MLLT3: variants seen among roughly 807,000 people sequenced by gnomAD.
The protein encoded by MLLT3 is protein AF-9.
MLLT3 carries 4 observed loss-of-function variants against 53.2 expected under a neutral mutation model. The ratio of observed to expected loss-of-function variants is 0.08; its 90% CI spans 0.04 to 0.17. The LOEUF (loss-of-function observed/expected upper bound fraction) is 0.17, where lower values mean the gene tolerates loss of function less well. Among genes scored for constraint, MLLT3 ranks in the 10% least tolerant of loss-of-function variants. The probability of loss-of-function intolerance (pLI) is 1.00; values close to 1 mark genes in which losing one functional copy is unlikely to be tolerated. For synonymous variants in MLLT3, 283 were observed against 230.6 expected (o/e 1.23, Z -2.06); for missense variants, 569 against 684.0 (o/e 0.83, Z 1.87).
chr9:20,484,372 T>C (rs1047326603), intron 2 of MLLT3, among the ~76,000 whole-genome samples: 29 of 152,292 alleles, frequency 1.9e-4, no homozygotes, highest in African/African-American at 6.0e-4. Context: ...GACAGAACAA[T>C]TGTTCTACCG....
rs1821026287 is a variant in MLLT3 at position 20,621,937 on chromosome 9, G to A, written c.12+308C>T. ...TGTGTGTGTGAGTGCGCGCGTGTGA[G>A]CGAGAGGGAGTGTGTGAGTGCGCTT... On this transcript the variant is annotated intron_variant, in intron 1 of 10. Transcript: ENST00000380338. The surrounding 1 kb of genome is among the most constrained non-coding windows in gnomAD (Gnocchi z 7.0). 4.3e-6 allele frequency: 6 copies of A among 1,388,036 alleles called. No homozygotes were observed. Among genetic ancestry groups the A allele is most frequent in the Non-Finnish European group, 5.6e-6 (6 of 1,076,892 alleles). The allele number at this position is 1,388,036 out of a possible 1,614,324, so 86.0% of individuals were successfully genotyped here. A position where few individuals can be genotyped will look rare whatever the true frequency, so the allele number is the denominator to read the frequency against.
chr9:20,565,980 ATATTTATTTATATATT>A (rs1819360355), intron 2 of MLLT3, among the ~76,000 whole-genome samples: 3 of 104,282 alleles, frequency 2.9e-5, no homozygotes, highest in East Asian at 2.4e-4. Context: ...ATATATATAT[ATATTTATTTATATATT>A]TATTTATATA....
chr9:20,393,641 CTTCTT>C (rs945376369), intron 5 of MLLT3, among the ~76,000 whole-genome samples: 3 of 152,320 alleles, frequency 2.0e-5, no homozygotes, highest in African/African-American at 7.2e-5. Flanking sequence ...CAATGCCTCT[CTTCTT>C]TACTCCAACA....
intron 2 of MLLT3, among the ~76,000 whole-genome samples, chr9:20,507,499 C>T (rs1825411198): frequency 6.6e-6 from 1 of 152,082 alleles, no homozygotes; most frequent in South Asian, 2.1e-4. Context: ...TTTCTTAAAG[C>T]TTGCCTTTAA....
At chr9:20,528,196 C>T (rs913988504) in intron 2 of MLLT3, among the ~76,000 whole-genome samples, 1 of 152,208 alleles carries the variant, frequency 6.6e-6, no homozygotes, top group Admixed American at 6.5e-5. Flanking sequence ...ATCTCAATCA[C>T]ATTAAGATTA....
intron 2 of MLLT3, among the ~76,000 whole-genome samples, chr9:20,614,212 T>A (rs541988160): frequency 6.6e-6 from 1 of 152,106 alleles, no homozygotes; most frequent in Non-Finnish European, 1.5e-5. Context: ...CTGGCCAACA[T>A]GGTGAAACCC....
At chr9:20,600,521 A>T (rs1820395428) in intron 2 of MLLT3, among the ~76,000 whole-genome samples, 1 of 152,152 alleles carries the variant, frequency 6.6e-6, no homozygotes, top group African/African-American at 2.4e-5. Context: ...GAGTGTTCAC[A>T]CTCCTCAGGA....
At chr9:20,399,319 G>A (rs145670958) in intron 5 of MLLT3, among the ~76,000 whole-genome samples, 328 of 152,128 alleles carry the variant, frequency 2.2e-3, no homozygotes, top group African/African-American at 7.0e-3. Flanking sequence ...AAATACATAC[G>A]CATATATTAA....
intron 5 of MLLT3, among the ~76,000 whole-genome samples, chr9:20,393,323 T>C (rs940931221): frequency 6.6e-6 from 1 of 152,156 alleles, no homozygotes; most frequent in African/African-American, 2.4e-5. Flanking sequence ...ATTCCAGAGT[T>C]TACTGGGAAA....
chr9:20,407,048 C>T (rs562032955), intron 5 of MLLT3, among the ~76,000 whole-genome samples: 2 of 152,262 alleles, frequency 1.3e-5, no homozygotes, highest in South Asian at 4.1e-4. Context: ...GAAAACAACC[C>T]TCTGTCTACT....
At chr9:20,455,209 C>T (rs995392069) in intron 3 of MLLT3, among the ~76,000 whole-genome samples, 1 of 152,184 alleles carries the variant, frequency 6.6e-6, no homozygotes, top group African/African-American at 2.4e-5. Flanking sequence ...AGTGGTATCA[C>T]CACTAAGAAA....
intron 2 of MLLT3, among the ~76,000 whole-genome samples, chr9:20,528,547 C>T (rs762670252): frequency 1.9e-4 from 29 of 152,230 alleles, no homozygotes; most frequent in Admixed American, 3.9e-4. Flanking sequence ...CTGCGCTCCC[C>T]ACAAAGGCTC....
intron 2 of MLLT3, among the ~76,000 whole-genome samples, chr9:20,495,730 G>C (rs1471923302): frequency 6.6e-6 from 1 of 152,094 alleles, no homozygotes; most frequent in Non-Finnish European, 1.5e-5. Flanking sequence ...GGGTCTTGTG[G>C]ATGAAATCTA....
intron 2 of MLLT3, among the ~76,000 whole-genome samples, chr9:20,533,835 C>CTTTT (rs1246816622): frequency 6.6e-6 from 1 of 152,120 alleles, no homozygotes; most frequent in Non-Finnish European, 1.5e-5. Flanking sequence ...CAGGTAGAAC[C>CTTTT]TAAAAACGCT....
At position 20,344,935 on chromosome 9, in the gene MLLT3, C is replaced by A. The variant is rs1177763711; in HGVS notation, c.*1508G>T. Reference sequence around the variant, plus strand: ...CTGATCCAGTGACGAACCTTTGGATCCAGAAGTATTTCTTCATTTCTCTTC... The same window carrying A: ...CTGATCCAGTGACGAACCTTTGGATACAGAAGTATTTCTTCATTTCTCTTC... On this transcript the variant is annotated 3_prime_UTR_variant, in exon 11 of 11. Transcript: ENST00000380338. 1.4e-5 allele frequency: 3 copies of A among 215,018 alleles called. No individual in the cohort carries two copies. Among genetic ancestry groups the A allele is most frequent in the Admixed American group, 5.8e-5 (1 of 17,108 alleles). The allele number at this position is 215,018 out of a possible 1,614,324, so 13.3% of individuals were successfully genotyped here.
At chr9:20,527,326 T>A (rs1038042204) in intron 2 of MLLT3, among the ~76,000 whole-genome samples, 2 of 152,196 alleles carry the variant, frequency 1.3e-5, no homozygotes, top group Non-Finnish European at 1.5e-5. Flanking sequence ...GCCTTATTCC[T>A]GGATTAACAT....
chr9:20,422,117 A>G lies in MLLT3; in HGVS notation c.421-7692T>C, dbSNP rs78058022. Among the ~76,000 whole-genome samples the G allele has an allele frequency of 9.7e-3, 1,478 of 152,306 alleles. 35 individuals carry two copies. Among genetic ancestry groups the G allele is most frequent in the African/African-American group, 0.033 (1,367 of 41,572 alleles). ...GGGCAGAAGACTAAAAGAACATGCC[A>G]CAAGTGGAAGAGAAATGGCACTTGA... On this transcript the variant is annotated intron_variant, in intron 4 of 10. Transcript: ENST00000380338.
chr9:20,438,440 C>T (rs1289333999), intron 4 of MLLT3, among the ~76,000 whole-genome samples: 3 of 152,202 alleles, frequency 2.0e-5, no homozygotes, highest in South Asian at 4.2e-4. Flanking sequence ...GAGACAGGGT[C>T]TTGCTCTGTC....
At chr9:20,473,619 G>A (rs924180044) in intron 2 of MLLT3, among the ~76,000 whole-genome samples, 1 of 151,912 alleles carries the variant, frequency 6.6e-6, no homozygotes, top group Non-Finnish European at 1.5e-5. Context: ...ATAGGACTGG[G>A]TCCAATATTC....
Sources: gnomAD v4.1 joint callset for allele counts (sites outside exome capture counted in the v4.1 genomes callset) on GRCh38, gnomAD v4.1.1 for gene constraint, Gnocchi (gnomAD v3.1) non-coding constraint, MANE v1.5 for transcripts, NCBI Gene and HGNC (gene_info 2026-07-23, HGNC 2026-07-21) for gene names.